The following OSBPL8 variants were observed in gnomAD, a reference collection of about 807,000 sequenced individuals.
The protein encoded by OSBPL8 is oxysterol-binding protein-related protein 8.
OSBPL8 carries 59 observed loss-of-function variants against 125.5 expected under a neutral mutation model. That is an observed-to-expected ratio of 0.47 (90% CI 0.38 to 0.58). The LOEUF (loss-of-function observed/expected upper bound fraction) is 0.58, where lower values mean the gene tolerates loss of function less well. Ranked by LOEUF, OSBPL8 falls within the 20% of genes least tolerant of loss-of-function variation. The pLI is 0.00. For missense variants in OSBPL8, 758 were observed against 1,047.8 expected (o/e 0.72, Z 3.82); for synonymous variants, 330 against 338.9 (o/e 0.97, Z 0.29).
intron 1 of OSBPL8, among the ~76,000 whole-genome samples, chr12:76,556,037 C>A (rs2137540483): frequency 6.6e-6 from 1 of 152,314 alleles, no homozygotes. Flanking sequence ...AAGAAAGTTT[C>A]CCAGATTAAA....
At chr12:76,384,874 G>T (rs1447164236) in intron 14 of OSBPL8, among the ~76,000 whole-genome samples, 1 of 152,112 alleles carries the variant, frequency 6.6e-6, no homozygotes, top group Non-Finnish European at 1.5e-5. Flanking sequence ...TCCTGAGCAG[G>T]AACCACCCAA....
At chr12:76,486,748 A>G (rs533432739) in intron 2 of OSBPL8, among the ~76,000 whole-genome samples, 17 of 152,324 alleles carry the variant, frequency 1.1e-4, no homozygotes, top group African/African-American at 3.6e-4. Context: ...TAAAAAGAAT[A>G]TATGTGGCAA....
At chr12:76,420,411 G>T (rs931700687) in intron 4 of OSBPL8, among the ~76,000 whole-genome samples, 5 of 152,048 alleles carry the variant, frequency 3.3e-5, no homozygotes, top group Admixed American at 3.3e-4. Flanking sequence ...CTGAGATCAA[G>T]AGATAGATAA....
chr12:76,379,615 A>G (rs1313173418), intron 15 of OSBPL8, among the ~76,000 whole-genome samples: 1 of 152,204 alleles, frequency 6.6e-6, no homozygotes, highest in Admixed American at 6.5e-5. Context: ...AGATGGCATT[A>G]TAGAATATGT....
chr12:76,368,532 C>A (rs1333326157), intron 21 of OSBPL8, among the ~76,000 whole-genome samples: 1 of 152,076 alleles, frequency 6.6e-6, no homozygotes, highest in Non-Finnish European at 1.5e-5. Flanking sequence ...GCAATGATAA[C>A]CCACTTGATG....
intron 1 of OSBPL8, among the ~76,000 whole-genome samples, chr12:76,493,928 T>C (rs1477217791): frequency 2.6e-5 from 4 of 152,184 alleles, no homozygotes; most frequent in African/African-American, 7.2e-5. Flanking sequence ...ATCCAGTGTT[T>C]GAGTTTACCA....
At chr12:76,396,624 C>T (rs1038358938) in intron 8 of OSBPL8, among the ~76,000 whole-genome samples, 9 of 152,116 alleles carry the variant, frequency 5.9e-5, no homozygotes, top group South Asian at 2.1e-4. Context: ...CATGGTGATA[C>T]GTGCCTGGGG....
At chr12:76,533,963 A>G (rs1358653220) in intron 1 of OSBPL8, among the ~76,000 whole-genome samples, 2 of 152,216 alleles carry the variant, frequency 1.3e-5, no homozygotes, top group Non-Finnish European at 2.9e-5. Context: ...GTGAAATAAA[A>G]CATTCATATA....
chr12:76,404,256 G>T (rs1056009389), intron 5 of OSBPL8, among the ~76,000 whole-genome samples: 17 of 152,144 alleles, frequency 1.1e-4, no homozygotes, highest in African/African-American at 3.9e-4. Context: ...CATGGCTATT[G>T]TCAGAAGAAT....
chr12:76,518,192 T>C (rs1014777304), intron 1 of OSBPL8, among the ~76,000 whole-genome samples: 14 of 152,168 alleles, frequency 9.2e-5, no homozygotes, highest in African/African-American at 2.7e-4. Flanking sequence ...CAAAACAAGA[T>C]ACATTGGTGG....
At chr12:76,537,523 T>TA (rs1189919851) in intron 1 of OSBPL8, among the ~76,000 whole-genome samples, 2 of 152,184 alleles carry the variant, frequency 1.3e-5, no homozygotes, top group African/African-American at 4.8e-5. Flanking sequence ...AGATAATAGT[T>TA]ATAGTAATAA....
intron 2 of OSBPL8, among the ~76,000 whole-genome samples, chr12:76,483,116 C>A (rs1268245784): frequency 1.3e-5 from 2 of 151,946 alleles, no homozygotes; most frequent in Non-Finnish European, 2.9e-5. Context: ...AAAAATTAGC[C>A]AGGCATGGTG....
At chr12:76,390,095 A>G (rs937946667) in intron 11 of OSBPL8, 5 of 409,922 alleles carry the variant, frequency 1.2e-5, no homozygotes, top group African/African-American at 2.1e-5. Flanking sequence ...ATTTACTTCT[A>G]TGATGCACTG....
chr12:76,556,082 C>A (rs1322525997), intron 1 of OSBPL8, among the ~76,000 whole-genome samples: 1 of 152,208 alleles, frequency 6.6e-6, no homozygotes, highest in African/African-American at 2.4e-5. Context: ...TAACATCCTT[C>A]CTTTATCATT....
intron 4 of OSBPL8, among the ~76,000 whole-genome samples, chr12:76,443,890 C>T (rs539862314): frequency 6.6e-6 from 1 of 152,126 alleles, no homozygotes; most frequent in Non-Finnish European, 1.5e-5. Context: ...CTTTAAGAGA[C>T]TATAATTTTA....
chr12:76,456,805 ATACAAT>A (rs1874107094), intron 3 of OSBPL8, among the ~76,000 whole-genome samples: 1 of 152,168 alleles, frequency 6.6e-6, no homozygotes, highest in Non-Finnish European at 1.5e-5. Context: ...ATAAGAGAAA[ATACAAT>A]TACAGTACTA....
At chr12:76,490,514 A>G (rs191527154) in intron 1 of OSBPL8, among the ~76,000 whole-genome samples, 20 of 152,326 alleles carry the variant, frequency 1.3e-4, no homozygotes, top group African/African-American at 4.8e-4. Flanking sequence ...TCAGAGAAGA[A>G]TCCGGTCGGA....
intron 1 of OSBPL8, among the ~76,000 whole-genome samples, chr12:76,530,958 G>A (rs1274567954): frequency 6.6e-6 from 1 of 152,070 alleles, no homozygotes; most frequent in Non-Finnish European, 1.5e-5. Flanking sequence ...ATAATAAATT[G>A]CCATCCCTAT....
intron 4 of OSBPL8, among the ~76,000 whole-genome samples, chr12:76,420,926 G>T (rs1251387235): frequency 1.3e-5 from 2 of 151,924 alleles, no homozygotes; most frequent in Non-Finnish European, 2.9e-5. Context: ...TCTATTTCAA[G>T]AATTAGAAAA....
Sources: gnomAD v4.1 joint callset for allele counts (sites outside exome capture counted in the v4.1 genomes callset) on GRCh38, gnomAD v4.1.1 for gene constraint, MANE v1.5 for transcripts, NCBI Gene and HGNC (gene_info 2026-07-23, HGNC 2026-07-21) for gene names.